PPP1R12B: variants seen among roughly 807,000 people sequenced by gnomAD.
The protein encoded by PPP1R12B is protein phosphatase 1 regulatory subunit 12B, also known as myosin phosphatase target subunit 2.
In PPP1R12B, 76 loss-of-function variants were observed where a neutral mutation model predicts 126.1. That is an observed-to-expected ratio of 0.60 (90% CI 0.50 to 0.73). PPP1R12B has a LOEUF of 0.73. PPP1R12B is among the 30% of genes least tolerant of loss of function. The pLI, the probability that PPP1R12B is intolerant of heterozygous loss-of-function variation, is 0.00. For missense variants in PPP1R12B, 1,052 were observed against 1,205.1 expected (o/e 0.87, Z 1.88); for synonymous variants, 356 against 434.7 (o/e 0.82, Z 2.25).
intron 22 of PPP1R12B, among the ~76,000 whole-genome samples, chr1:202,568,501 G>C (rs534235372): frequency 1.3e-5 from 2 of 152,276 alleles, no homozygotes; most frequent in South Asian, 4.2e-4. Context: ...GTTTAATTTG[G>C]AAAGCAGCTA....
chr1:202,434,123 A>G (rs1670519142), intron 8 of PPP1R12B, among the ~76,000 whole-genome samples: 1 of 152,226 alleles, frequency 6.6e-6, no homozygotes, highest in African/African-American at 2.4e-5. Flanking sequence ...TTTGCACCAC[A>G]CTTAAACATT....
chr1:202,399,498 C>T (rs1393879666), intron 1 of PPP1R12B, among the ~76,000 whole-genome samples: 1 of 151,192 alleles, frequency 6.6e-6, no homozygotes, highest in Non-Finnish European at 1.5e-5. Context: ...TGAGCCACCG[C>T]ACCTTTTTTT....
chr1:202,488,659 A>G, intron 14 of PPP1R12B, 36 bp downstream of exon 14: 16 of 1,488,994 alleles, frequency 1.1e-5, no homozygotes, highest in Non-Finnish European at 1.5e-5. Flanking sequence ...CATTTTGTGT[A>G]TCTACCCTTC....
chr1:202,456,341 C>G (rs1321633625), intron 13 of PPP1R12B, among the ~76,000 whole-genome samples: 1 of 151,818 alleles, frequency 6.6e-6, no homozygotes, highest in Non-Finnish European at 1.5e-5. Context: ...GAGGATAATT[C>G]CGACATGGTA....
chr1:202,580,078 C>A (rs1689453683), intron 23 of PPP1R12B, among the ~76,000 whole-genome samples: 1 of 152,156 alleles, frequency 6.6e-6, no homozygotes. Context: ...TTTCTGAATT[C>A]TTTCCCTATG....
intron 2 of PPP1R12B, among the ~76,000 whole-genome samples, chr1:202,418,375 C>A (rs2148622547): frequency 6.6e-6 from 1 of 152,242 alleles, no homozygotes; most frequent in East Asian, 1.9e-4. Flanking sequence ...TTTTTTCTTT[C>A]ACTTTTCTAA....
chr1:202,427,522 G>A (rs1413403117), intron 5 of PPP1R12B, among the ~76,000 whole-genome samples: 1 of 152,206 alleles, frequency 6.6e-6, no homozygotes, highest in Non-Finnish European at 1.5e-5. Context: ...CTGTATTCAT[G>A]TGAGTCATTA....
intron 1 of PPP1R12B, among the ~76,000 whole-genome samples, chr1:202,376,218 G>T (rs936397587): frequency 1.1e-4 from 16 of 151,496 alleles, no homozygotes; most frequent in African/African-American, 3.4e-4. Flanking sequence ...CTTGTTTTAG[G>T]TTTTTTTTTA....
intron 1 of PPP1R12B, among the ~76,000 whole-genome samples, chr1:202,412,964 T>C (rs1667604048): frequency 6.6e-6 from 1 of 152,178 alleles, no homozygotes; most frequent in South Asian, 2.1e-4. Flanking sequence ...GAACTATTTG[T>C]AAATATGATG....
intron 1 of PPP1R12B, among the ~76,000 whole-genome samples, chr1:202,389,582 A>G (rs578146057): frequency 6.6e-6 from 1 of 151,550 alleles, no homozygotes; most frequent in Non-Finnish European, 1.5e-5. Context: ...TGGAGCTTGC[A>G]GTGAGCCGAG....
At chr1:202,439,417 T>A (rs1671307133) in intron 10 of PPP1R12B, 1 of 1,257,674 alleles carries the variant, frequency 8.0e-7, no homozygotes, top group African/African-American at 1.5e-5. Context: ...GAGACCGCCC[T>A]GTACTGGAAA....
At chr1:202,408,309 C>G (rs1666903902) in intron 1 of PPP1R12B, among the ~76,000 whole-genome samples, 1 of 152,164 alleles carries the variant, frequency 6.6e-6, no homozygotes, top group Admixed American at 6.5e-5. Context: ...ATGTGAGAAC[C>G]ATGATTAGTT....
intron 6 of PPP1R12B, among the ~76,000 whole-genome samples, chr1:202,429,429 TACTC>T (rs1319580369): frequency 1.3e-5 from 2 of 152,258 alleles, no homozygotes; most frequent in African/African-American, 2.4e-5. Flanking sequence ...GATTCATACT[TACTC>T]CAGTTTTATG....
At chr1:202,364,289 T>G (rs951978071) in intron 1 of PPP1R12B, among the ~76,000 whole-genome samples, 1 of 152,184 alleles carries the variant, frequency 6.6e-6, no homozygotes, top group Non-Finnish European at 1.5e-5. Context: ...TGATACCTTA[T>G]AGTTGTATTC....
At chr1:202,387,805 C>T (rs941375782) in intron 1 of PPP1R12B, among the ~76,000 whole-genome samples, 32 of 151,986 alleles carry the variant, frequency 2.1e-4, no homozygotes, top group African/African-American at 7.5e-4. Flanking sequence ...AATCTAGTGT[C>T]GTAGGGTAAT....
intron 3 of PPP1R12B, 44 bp from the exon 4 acceptor site, chr1:202,425,522 T>A (rs1377964544): frequency 6.3e-7 from 1 of 1,589,502 alleles, no homozygotes; most frequent in Non-Finnish European, 8.6e-7. Flanking sequence ...CAAACTTAAG[T>A]GGAGCTTTAG....
At chr1:202,438,379 C>A in intron 10 of PPP1R12B, 1 of 722,728 alleles carries the variant, frequency 1.4e-6, no homozygotes. Flanking sequence ...AGGGCCAATT[C>A]CCGTCCCCCC....
intron 1 of PPP1R12B, among the ~76,000 whole-genome samples, chr1:202,408,161 G>A (rs1666874355): frequency 6.6e-6 from 1 of 152,066 alleles, no homozygotes; most frequent in Non-Finnish European, 1.5e-5. Flanking sequence ...ATAATTTCTT[G>A]GCATATGATT....
chr1:202,377,550 C>T (rs1421513433), intron 1 of PPP1R12B, among the ~76,000 whole-genome samples: 1 of 151,758 alleles, frequency 6.6e-6, no homozygotes, highest in Non-Finnish European at 1.5e-5. Context: ...ATGATCCGCC[C>T]GCCTCGGCCT....
Sources: allele counts gnomAD v4.1 joint callset (sites outside exome capture counted in the v4.1 genomes callset), GRCh38; gene constraint gnomAD v4.1.1; transcripts MANE v1.5; gene names NCBI Gene and HGNC (gene_info 2026-07-23, HGNC 2026-07-21).